ANO3: variants seen among roughly 807,000 people sequenced by gnomAD.
ANO3 encodes anoctamin 3.
In ANO3, 99 loss-of-function variants were observed where a neutral mutation model predicts 144.8. The ratio of observed to expected loss-of-function variants is 0.68; its 90% confidence interval spans 0.58 to 0.81. The LOEUF (loss-of-function observed/expected upper bound fraction) is 0.81, where lower values mean the gene tolerates loss of function less well. Ranked by LOEUF, ANO3 falls within the 30% of genes least tolerant of loss-of-function variation. The probability of loss-of-function intolerance (pLI) is 0.00; values close to 1 mark genes in which losing one functional copy is unlikely to be tolerated. For synonymous variants in ANO3, 414 were observed against 392.6 expected (o/e 1.05, Z -0.64); for missense variants, 905 against 1,202.2 (o/e 0.75, Z 3.66).
At chr11:26,466,859 TA>T (rs143963247) in intron 4 of ANO3, among the ~76,000 whole-genome samples, 1,734 of 152,086 alleles carry the variant, frequency 0.011, 43 homozygotes, top group African/African-American at 0.039. Flanking sequence ...AATATGAAGT[TA>T]ATTCTTCCTC....
chr11:26,428,360 T>A (rs890113449), intron 1 of ANO3, among the ~76,000 whole-genome samples: 7 of 152,128 alleles, frequency 4.6e-5, no homozygotes, highest in African/African-American at 1.7e-4. Flanking sequence ...CATATTGTAA[T>A]AAAACTATTA....
intron 4 of ANO3, 97 bp downstream of exon 4, chr11:26,463,245 T>C: frequency 1.7e-6 from 1 of 602,682 alleles, no homozygotes; most frequent in Non-Finnish European, 2.9e-6. Flanking sequence ...CTGGAGAATA[T>C]AAAAGAATAT....
chr11:26,395,617 A>C (rs1312387094), intron 1 of ANO3, among the ~76,000 whole-genome samples: 6 of 152,062 alleles, frequency 3.9e-5, no homozygotes, highest in Non-Finnish European at 8.8e-5. Flanking sequence ...TGATTTTTGC[A>C]CATTGGCCTC....
chr11:26,551,687 G>A (rs1307181111), intron 12 of ANO3, among the ~76,000 whole-genome samples: 1 of 151,914 alleles, frequency 6.6e-6, no homozygotes, highest in Non-Finnish European at 1.5e-5. Context: ...TGTATCATTT[G>A]TGAAACAATG....
chr11:26,549,048 C>G (rs532864984), intron 12 of ANO3, among the ~76,000 whole-genome samples: 132 of 151,748 alleles, frequency 8.7e-4, no homozygotes, highest in African/African-American at 2.9e-3. Context: ...AACATATTAA[C>G]AAAATGTTAG....
intron 1 of ANO3, among the ~76,000 whole-genome samples, chr11:26,350,024 G>A (rs1331861595): frequency 1.3e-5 from 2 of 152,204 alleles, no homozygotes; most frequent in Admixed American, 1.3e-4. Context: ...TGAAAGAGAC[G>A]GGAAAGGAGA....
chr11:26,257,338 C>T (rs1384635478), intron 1 of ANO3, among the ~76,000 whole-genome samples: 4 of 151,998 alleles, frequency 2.6e-5, no homozygotes, highest in Non-Finnish European at 2.9e-5. Context: ...GACCCAAGGA[C>T]ATGTAACTAC....
At chr11:26,502,492 C>T (rs192875764) in intron 4 of ANO3, among the ~76,000 whole-genome samples, 2 of 152,204 alleles carry the variant, frequency 1.3e-5, no homozygotes, top group East Asian at 3.9e-4. Flanking sequence ...TTTACTAACT[C>T]ACAAGTATGG....
At chr11:26,623,940 A>C (rs1852499227) in intron 17 of ANO3, among the ~76,000 whole-genome samples, 1 of 151,864 alleles carries the variant, frequency 6.6e-6, no homozygotes, top group Non-Finnish European at 1.5e-5. Context: ...GCGCCCGCCA[A>C]CGTGCCCGGC....
At chr11:26,432,453 C>T (rs1394747746) in intron 1 of ANO3, among the ~76,000 whole-genome samples, 2 of 152,102 alleles carry the variant, frequency 1.3e-5, no homozygotes, top group African/African-American at 2.4e-5. Context: ...TTGCTTTTGG[C>T]ATCTTCATCA....
chr11:26,293,530 CATGTATATATATATATATAT>C lies in ANO3; in HGVS notation c.155-16112_155-16093del, dbSNP rs1355128585. ...CAGTCTAGAGTGGGTCTATAAATTCCATGTATATATATATATATATATATATATATATATATATATATATA... is the reference window on the plus strand; with the variant it reads ...CAGTCTAGAGTGGGTCTATAAATTCCATATATATATATATATATATATATA... On this transcript the variant is annotated intron_variant, in intron 1 of 27. Coordinates refer to the ANO3 transcript ENST00000672621. 0.012 allele frequency among the ~76,000 whole-genome samples: 773 copies of C among 62,426 alleles called. 52 individuals carry two copies. The East Asian group carries it at 0.22, about 18-fold the overall frequency. 41.0% of individuals were successfully genotyped at this position (62,426 alleles called of 152,430 possible).
Position 26,602,366 on chromosome 11 carries a change from T to C in ANO3, c.1836+2652T>C, listed in dbSNP as rs565516318. On this transcript the variant is annotated intron_variant, in intron 17 of 26. Coordinates refer to ENST00000256737, the MANE Select transcript of ANO3 (RefSeq NM_031418.4). ...GGCAGTGGGAAGCCATACTTGATGG[T>C]ATTTGATAGGTAAATAGCCACAAAT... is the stretch of plus-strand genomic sequence containing the variant. 3.0e-4 allele frequency among the ~76,000 whole-genome samples: 46 copies of C among 152,210 alleles called. No homozygotes were observed. In the South Asian group the frequency reaches 9.1e-3, roughly 30 times the overall value.
chr11:26,547,293 G>A, intron 11 of ANO3, 123 bp from the exon 12 acceptor site: 1 of 902,806 alleles, frequency 1.1e-6, no homozygotes, highest in East Asian at 2.4e-5. Flanking sequence ...TTTAGATGGA[G>A]CTGAGGAGGA....
At chr11:26,387,798 A>G (rs1285150952) in intron 1 of ANO3, among the ~76,000 whole-genome samples, 1 of 151,982 alleles carries the variant, frequency 6.6e-6, no homozygotes, top group Non-Finnish European at 1.5e-5. Flanking sequence ...GAGAGTTTGC[A>G]TTTTCTTTTG....
chr11:26,428,886 G>C (rs752597529), intron 1 of ANO3, among the ~76,000 whole-genome samples: 2 of 152,028 alleles, frequency 1.3e-5, no homozygotes, highest in Non-Finnish European at 2.9e-5. Flanking sequence ...AAATGAACGA[G>C]AACTCTAAAG....
intron 14 of ANO3, among the ~76,000 whole-genome samples, chr11:26,570,904 G>A (rs759029456): frequency 7.2e-5 from 11 of 152,046 alleles, no homozygotes; most frequent in African/African-American, 2.2e-4. Flanking sequence ...TTTTGGAAGC[G>A]TAACCAACTA....
chr11:26,649,002 T>TTA (rs1853438191), intron 24 of ANO3, among the ~76,000 whole-genome samples: 1 of 152,244 alleles, frequency 6.6e-6, no homozygotes, highest in African/African-American at 2.4e-5. Context: ...GATATTTCCT[T>TTA]TATGTATTGC....
chr11:26,399,150 C>A (rs535987220), intron 1 of ANO3, among the ~76,000 whole-genome samples: 1 of 151,968 alleles, frequency 6.6e-6, no homozygotes, highest in East Asian at 2.0e-4. Flanking sequence ...CCAACCTCAC[C>A]TTTTTTTCGC....
In ANO3 at chr11:26,613,347, ATGTCTATCTTTTTAT is replaced by A. The variant is rs1190256157; in HGVS notation, c.1837-11111_1837-11097del. 5.9e-5 allele frequency among the ~76,000 whole-genome samples: 9 copies of A among 152,050 alleles called. No individual in the cohort carries two copies. The South Asian group carries it at 1.7e-3, about 28-fold the overall frequency. ...CAAGATTTCTGTTTGGTTCTTTTTT[ATGTCTATCTTTTTAT>A]TGTATTTCTCATTCAGATCATTGGT... is the stretch of plus-strand genomic sequence containing the variant. On this transcript the variant is annotated intron_variant, in intron 17 of 26. Transcript: ENST00000256737.
Sources: allele counts gnomAD v4.1 joint callset (sites outside exome capture counted in the v4.1 genomes callset), GRCh38; gene constraint gnomAD v4.1.1; transcripts MANE v1.5; gene names NCBI Gene and HGNC (gene_info 2026-07-23, HGNC 2026-07-21).